The following OSBPL6 variants were observed in gnomAD, a reference collection of about 807,000 sequenced individuals.
OSBPL6 encodes the protein oxysterol binding protein like 6.
Under a neutral mutation model 125.8 loss-of-function variants are expected in OSBPL6, and 49 were observed. That is an observed-to-expected ratio of 0.39 (90% CI 0.31 to 0.49). The LOEUF (loss-of-function observed/expected upper bound fraction) is 0.49, where lower values mean the gene tolerates loss of function less well. Among genes scored for constraint, OSBPL6 ranks in the 20% least tolerant of loss-of-function variants. OSBPL6 has a pLI of 0.88. For synonymous variants in OSBPL6, 394 were observed against 391.8 expected, an observed-to-expected ratio of 1.01 and a Z score of -0.07; for missense variants, 986 against 1,135.4, an observed-to-expected ratio of 0.87 and a Z score of 1.89.
At chr2:178,361,574 C>T (rs1692361734) in intron 12 of OSBPL6, 108 bp from the exon 13 acceptor site, 1 of 1,357,944 alleles carries the variant, frequency 7.4e-7, no homozygotes, top group East Asian at 2.3e-5. Flanking sequence ...ATTACATAGC[C>T]TTTCCAAAAA....
intron 2 of OSBPL6, among the ~76,000 whole-genome samples, chr2:178,288,316 A>G (rs1437100284): frequency 6.6e-6 from 1 of 152,200 alleles, no homozygotes. Flanking sequence ...AAAAGGAGTG[A>G]GACCCCAAAA....
Position 178,233,884 on chromosome 2 carries a change from G to C in OSBPL6, c.-351+39210G>C, listed in dbSNP as rs143388159. Among the ~76,000 whole-genome samples the C allele has an allele frequency of 3.5e-3, 539 of 152,266 alleles. 7 individuals carry two copies. Among genetic ancestry groups the C allele is most frequent in the African/African-American group, 0.012 (516 of 41,558 alleles). ...CTATAAGCACTAGTAATTATCATTA[G>C]TAATATTATTCACAGTAGACACAAT... On this transcript the variant is annotated intron_variant, in intron 1 of 24. Coordinates refer to ENST00000190611, the MANE Select transcript of OSBPL6 (RefSeq NM_032523.4).
chr2:178,278,844 T>A (rs2092522025), intron 1 of OSBPL6, among the ~76,000 whole-genome samples: 1 of 152,198 alleles, frequency 6.6e-6, no homozygotes, highest in South Asian at 2.1e-4. Context: ...CTAATGAAGT[T>A]AGTGGTGACA....
intron 1 of OSBPL6, among the ~76,000 whole-genome samples, chr2:178,264,350 A>T (rs1574674574): frequency 6.6e-6 from 1 of 152,286 alleles, no homozygotes; most frequent in East Asian, 1.9e-4. Context: ...AAAATTGAGC[A>T]TATTCCTGTA....
intron 19 of OSBPL6, among the ~76,000 whole-genome samples, chr2:178,385,911 A>G (rs770420926): frequency 1.3e-5 from 2 of 152,332 alleles, no homozygotes; most frequent in South Asian, 4.1e-4. Flanking sequence ...CACATCATCA[A>G]TGGTCATAAT....
At chr2:178,289,804 G>C (rs904603543) in intron 2 of OSBPL6, among the ~76,000 whole-genome samples, 2 of 151,824 alleles carry the variant, frequency 1.3e-5, no homozygotes, top group Non-Finnish European at 2.9e-5. Context: ...AGGTTTGGCT[G>C]ATTGTTGTTA....
intron 9 of OSBPL6, among the ~76,000 whole-genome samples, chr2:178,337,158 G>A (rs768569774): frequency 1.4e-4 from 22 of 151,904 alleles, no homozygotes; most frequent in Admixed American, 4.6e-4. Flanking sequence ...CTTCAAAACC[G>A]AGAAAAACAA....
chr2:178,382,461 T>C lies in OSBPL6; in HGVS notation c.1575T>C (p.Asn525=), dbSNP rs376474072. The C allele has an allele frequency of 8.7e-6, 14 of 1,613,822 alleles. No homozygotes were observed. Among genetic ancestry groups the C allele is most frequent in the Non-Finnish European group, 1.2e-5 (14 of 1,179,912 alleles). Residue 525 remains asparagine (N), a synonymous_variant, in exon 16 of 25, where the codon AAT becomes AAC. Coordinates refer to ENST00000190611, the MANE Select transcript of OSBPL6 (RefSeq NM_032523.4). The part of the protein sequence containing the change: ...DESYISDVSD[N]ISEDNTSVAD... The stretch of plus-strand genomic sequence containing the variant: ...CTTACATCAGTGATGTGAGTGATAA[T>C]ATATCTGAAGACAACACCAGTGTTG...
At chr2:178,339,361 T>C (rs972614847) in intron 10 of OSBPL6, among the ~76,000 whole-genome samples, 2 of 152,204 alleles carry the variant, frequency 1.3e-5, no homozygotes, top group Non-Finnish European at 2.9e-5. Context: ...TTGTGTCCTA[T>C]TAGAAATGGT....
intron 1 of OSBPL6, among the ~76,000 whole-genome samples, chr2:178,213,637 G>T (rs1045969635): frequency 3.3e-5 from 5 of 152,174 alleles, no homozygotes; most frequent in African/African-American, 4.8e-5. Flanking sequence ...GCACAAGTCT[G>T]ATCATGTCAC....
At chr2:178,238,505 T>C (rs2091153966) in intron 1 of OSBPL6, among the ~76,000 whole-genome samples, 1 of 152,088 alleles carries the variant, frequency 6.6e-6, no homozygotes, top group Non-Finnish European at 1.5e-5. Context: ...AGTGAAAAGA[T>C]GAAAGTTCTT....
chr2:178,254,321 A>G lies in OSBPL6; in HGVS notation c.-350-30606A>G, dbSNP rs1347715011. Among the ~76,000 whole-genome samples, 6 of 151,410 alleles carry G rather than the reference A, an allele frequency of 4.0e-5. No individual in the cohort carries two copies. In the South Asian group the frequency reaches 8.4e-4, roughly 21 times the overall value. Reference sequence around the variant, plus strand: ...GGCAGGAGAATCACTTGAACCCGAGAGGCGGAGGTTGCAGTGAGCTGAGAT... The same window carrying G: ...GGCAGGAGAATCACTTGAACCCGAGGGGCGGAGGTTGCAGTGAGCTGAGAT... On this transcript the variant is annotated intron_variant, in intron 1 of 24. Coordinates refer to ENST00000190611, the MANE Select transcript of OSBPL6 (RefSeq NM_032523.4).
intron 13 of OSBPL6, among the ~76,000 whole-genome samples, chr2:178,368,613 A>C (rs974428576): frequency 3.3e-5 from 5 of 152,080 alleles, no homozygotes; most frequent in African/African-American, 1.2e-4. Flanking sequence ...CACAATGTTA[A>C]TATTTTGGCA....
At chr2:178,343,347 A>G (rs185928961) in intron 11 of OSBPL6, among the ~76,000 whole-genome samples, 1 of 152,196 alleles carries the variant, frequency 6.6e-6, no homozygotes, top group East Asian at 1.9e-4. Flanking sequence ...TGATCGTGCC[A>G]CAACACTCCA....
At chr2:178,230,735 TAGATTATAA>T (rs2090781245) in intron 1 of OSBPL6, among the ~76,000 whole-genome samples, 1 of 152,202 alleles carries the variant, frequency 6.6e-6, no homozygotes, top group African/African-American at 2.4e-5. Flanking sequence ...TCTACCTACC[TAGATTATAA>T]ATATAAAAAA....
intron 1 of OSBPL6, among the ~76,000 whole-genome samples, chr2:178,223,447 T>C (rs2090425213): frequency 6.6e-6 from 1 of 152,226 alleles, no homozygotes; most frequent in African/African-American, 2.4e-5. Context: ...CAAATCTTGA[T>C]TGAGATTTTG....
chr2:178,391,905 T>A (rs1695436511), intron 22 of OSBPL6, among the ~76,000 whole-genome samples: 2 of 152,248 alleles, frequency 1.3e-5, no homozygotes, highest in Non-Finnish European at 2.9e-5. Flanking sequence ...AACTATTTAT[T>A]GAGTGCTGGC....
chr2:178,263,254 G>A (rs2092118985), intron 1 of OSBPL6, among the ~76,000 whole-genome samples: 2 of 152,272 alleles, frequency 1.3e-5, no homozygotes, highest in African/African-American at 4.8e-5. Flanking sequence ...CGAGATGGGC[G>A]GATCAGCTGA....
intron 1 of OSBPL6, among the ~76,000 whole-genome samples, chr2:178,275,518 G>A (rs901973179): frequency 4.0e-5 from 6 of 151,692 alleles, no homozygotes; most frequent in African/African-American, 1.5e-4. Context: ...AAATAATAAT[G>A]ATAATAATAA....
Sources: allele counts gnomAD v4.1 joint callset (sites outside exome capture counted in the v4.1 genomes callset), GRCh38; gene constraint gnomAD v4.1.1; transcripts MANE v1.5; gene names NCBI Gene and HGNC (gene_info 2026-07-23, HGNC 2026-07-21).